Variants in EMSY observed in about 807,000 individuals in gnomAD.
EMSY encodes EMSY transcriptional repressor, BRCA2 interacting, also known as BRCA2-interacting transcriptional repressor EMSY.
In EMSY, 26 loss-of-function variants were observed where a neutral mutation model predicts 134.6. That is an observed-to-expected ratio of 0.19 (90% confidence interval 0.14 to 0.27). The LOEUF (loss-of-function observed/expected upper bound fraction) is 0.27, where lower values mean the gene tolerates loss of function less well. EMSY is among the 10% of genes least tolerant of loss of function. The probability of loss-of-function intolerance (pLI) is 1.00; values close to 1 mark genes in which losing one functional copy is unlikely to be tolerated. For synonymous variants in EMSY, 579 were observed against 577.8 expected (o/e 1.00, Z -0.03); for missense variants, 1,305 against 1,611.4 (o/e 0.81, Z 3.26).
At chr11:76,459,525 A>G in intron 5 of EMSY, 1 of 157,022 alleles carries the variant, frequency 6.4e-6, no homozygotes, top group Admixed American at 6.3e-5. Flanking sequence ...GCCACATTGG[A>G]AATTGCTAAG....
At chr11:76,459,986 G>T (rs1449398525) in exon 6 of EMSY, 2 of 1,614,194 alleles carry the variant, frequency 1.2e-6, no homozygotes, top group Non-Finnish European at 1.7e-6. Flanking sequence ...CTCTACCCCT[G>T]TTCCAAGTGG....
chr11:76,492,600 T>C (rs1949466905), intron 8 of EMSY, among the ~76,000 whole-genome samples: 1 of 152,224 alleles, frequency 6.6e-6, no homozygotes, highest in Non-Finnish European at 1.5e-5. Flanking sequence ...CGGTGGCCCA[T>C]CTGGTAGCTG....
chr11:76,541,495 C>G (rs1047325238), intron 17 of EMSY, among the ~76,000 whole-genome samples: 2 of 152,170 alleles, frequency 1.3e-5, no homozygotes, highest in African/African-American at 4.8e-5. Flanking sequence ...GTAGAAACAG[C>G]AAGCCTTTAT....
chr11:76,448,904 G>A (rs1307766675), intron 2 of EMSY, among the ~76,000 whole-genome samples: 1 of 151,848 alleles, frequency 6.6e-6, no homozygotes, highest in Non-Finnish European at 1.5e-5. Context: ...AAAGAAATTG[G>A]GATAGAGAAT....
exon 9 of EMSY, chr11:76,496,284 C>T (rs2135804760): frequency 6.2e-7 from 1 of 1,614,054 alleles, no homozygotes; most frequent in African/African-American, 1.3e-5. Context: ...GTGAGTGCCC[C>T]AACTCAGATT....
Position 76,513,547 on chromosome 11 carries a change from T to A in EMSY, c.1513+12T>A, listed in dbSNP as rs1243744011. 6.2e-7 allele frequency: 1 copy of A among 1,612,000 alleles called. No homozygotes were observed. The highest frequency in any genetic ancestry group is 1.3e-5 in the African/African-American group (1 of 74,874). On this transcript the variant is annotated intron_variant, in intron 10 of 20. Transcript: ENST00000334736. ...AACCACTCCTACTGGTAAGTTCTCT[T>A]GAGCATCAGTTCATTTATTCATCAT... is the stretch of plus-strand genomic sequence containing the variant.
chr11:76,468,304 T>C (rs187495569), intron 7 of EMSY, among the ~76,000 whole-genome samples: 8 of 152,264 alleles, frequency 5.3e-5, no homozygotes, highest in Admixed American at 2.0e-4. Flanking sequence ...AACCTTAGAT[T>C]TGGCTTACTA....
chr11:76,453,522 T>C, intron 4 of EMSY, 134 bp downstream of exon 4: 1 of 764,164 alleles, frequency 1.3e-6, no homozygotes, highest in South Asian at 2.5e-5. Context: ...ATCCTGATCA[T>C]AGCAGTAAAA....
At chr11:76,484,144 T>C (rs1210546706) in intron 8 of EMSY, among the ~76,000 whole-genome samples, 1 of 152,208 alleles carries the variant, frequency 6.6e-6, no homozygotes, top group African/African-American at 2.4e-5. Flanking sequence ...TGCTCCTGAA[T>C]GACTACTGGG....
In EMSY at chr11:76,518,705, T is replaced by TATATATATATATATATA. The variant is rs1406438858; in HGVS notation, c.1684+2393_1684+2394insATATATATATATATATA. On this transcript the variant is annotated intron_variant, in intron 11 of 20. Transcript: ENST00000334736. ...CGCGCATATATATATATATATATAT[T>TATATATATATATATATA]TTTTTTTTAATTGGGATCTAATATA... Among the ~76,000 whole-genome samples the TATATATATATATATATA allele has an allele frequency of 1.9e-3, 155 of 80,674 alleles. 1 individual carries two copies. The highest frequency in any genetic ancestry group is 7.8e-3 in the South Asian group (17 of 2,166). 52.9% of individuals were successfully genotyped at this position (80,674 alleles called of 152,430 possible). A position where few individuals can be genotyped will look rare whatever the true frequency, so the allele number is the denominator to read the frequency against.
chr11:76,535,760 CT>C, intron 14 of EMSY, 134 bp from the exon 16 acceptor site: 2 of 644,278 alleles, frequency 3.1e-6, no homozygotes, highest in Non-Finnish European at 4.6e-6. Flanking sequence ...GGCTTATAGT[CT>C]TCTTGGGGAG....
chr11:76,462,184 A>G (rs1565280160), intron 6 of EMSY, among the ~76,000 whole-genome samples: 1 of 152,006 alleles, frequency 6.6e-6, no homozygotes. Context: ...GGTTGTGGTG[A>G]GCTGAGATCG....
intron 11 of EMSY, among the ~76,000 whole-genome samples, chr11:76,520,020 G>A (rs1264775575): frequency 6.6e-6 from 1 of 151,960 alleles, no homozygotes; most frequent in Non-Finnish European, 1.5e-5. Flanking sequence ...CTGTAACATG[G>A]GAACAGAAGT....
At chr11:76,463,997 A>G in exon 7 of EMSY, 2 of 1,614,178 alleles carry the variant, frequency 1.2e-6, no homozygotes, top group Non-Finnish European at 8.5e-7. Context: ...GAGCATTGCC[A>G]ACTCCTTACC....
chr11:76,486,263 C>T (rs1157596781), intron 8 of EMSY, among the ~76,000 whole-genome samples: 2 of 150,996 alleles, frequency 1.3e-5, no homozygotes, highest in Non-Finnish European at 2.9e-5. Flanking sequence ...GGGTGGGGGG[C>T]AAGGGGAGGG....
At chr11:76,544,755 T>C (rs1483966388) in exon 19 of EMSY, 2 of 1,614,094 alleles carry the variant, frequency 1.2e-6, no homozygotes, top group Non-Finnish European at 1.7e-6. Context: ...AAAATCTACG[T>C]GCAACCCCAA....
At chr11:76,490,132 T>G (rs994941320) in intron 8 of EMSY, among the ~76,000 whole-genome samples, 1 of 152,170 alleles carries the variant, frequency 6.6e-6, no homozygotes, top group Non-Finnish European at 1.5e-5. Flanking sequence ...ATATGTTCCT[T>G]GTTCCTTTTG....
At chr11:76,546,253 G>A in exon 20 of EMSY, 2 of 1,613,684 alleles carry the variant, frequency 1.2e-6, no homozygotes, top group Non-Finnish European at 1.7e-6. Flanking sequence ...TCAGAATGTA[G>A]GCCAAAAGAA....
At chr11:76,454,069 A>T (rs1016929671) in intron 4 of EMSY, 4 of 152,204 alleles carry the variant, frequency 2.6e-5, no homozygotes, top group African/African-American at 9.7e-5. Flanking sequence ...AGTAGCCTTT[A>T]AATGTTTGTA....
Sources: allele counts gnomAD v4.1 joint callset (sites outside exome capture counted in the v4.1 genomes callset), GRCh38; gene constraint gnomAD v4.1.1; transcripts MANE v1.5; gene names NCBI Gene and HGNC (gene_info 2026-07-23, HGNC 2026-07-21).